Variants in MMP27 observed in about 807,000 individuals in gnomAD.
MMP27 encodes the protein matrix metalloproteinase-27.
Under a neutral mutation model 48.1 loss-of-function variants are expected in MMP27, and 51 were observed. That is an observed-to-expected ratio of 1.06 (90% CI 0.85 to 1.34). MMP27 has a LOEUF of 1.34. Among genes scored for constraint, MMP27 ranks in the 40% most tolerant of loss-of-function variants. MMP27 has a pLI of 0.00. For synonymous variants in MMP27, 229 were observed against 208.9 expected (o/e 1.10, Z -0.83); for missense variants, 698 against 619.3 (o/e 1.13, Z -1.35).
chr11:102,702,686 C>A (rs1052824242), intron 4 of MMP27, 67 bp downstream of exon 4: 3 of 1,510,410 alleles, frequency 2.0e-6, no homozygotes, highest in Middle Eastern at 1.9e-4. Context: ...CAGCTAGTTA[C>A]AAAGCTATTC....
rs116242667 is a variant in MMP27 at position 102,700,810 on chromosome 11, T to C, written c.619+1943A>G. Among the ~76,000 whole-genome samples the C allele has an allele frequency of 5.1e-3, 779 of 152,374 alleles. 5 individuals are homozygous for C. The highest frequency in any genetic ancestry group is 0.018 in the African/African-American group (738 of 41,584). On this transcript the variant is annotated intron_variant, in intron 4 of 9. Coordinates refer to ENST00000260229, the MANE Select transcript of MMP27 (RefSeq NM_022122.3). ...TTTGAGAGACTCTCAGGAAAATCTC[T>C]GTATGTGCTTAAAGTCCTCTGACAT... is the stretch of plus-strand genomic sequence containing the variant.
Position 102,704,629 on chromosome 11 carries a change from A to G in MMP27, c.249T>C (p.Leu83=), listed in dbSNP as rs749607991. Reference sequence around the variant, plus strand: ...CACACCTGGGTGTCTTCATGATCTCAAGGGTGTTTGAGTCCAGTTTTCCAG... The same window carrying G: ...CACACCTGGGTGTCTTCATGATCTCGAGGGTGTTTGAGTCCAGTTTTCCAG... ...TVTGKLDSNT[L]EIMKTPRCGV... Residue 83 remains leucine (L), a synonymous_variant, in exon 2 of 10, where the codon CTT becomes CTC. Transcript: ENST00000260229. 1.2e-6 allele frequency: 2 copies of G among 1,613,210 alleles called. No homozygotes were observed. The highest frequency in any genetic ancestry group is 1.7e-5 in the Admixed American group (1 of 60,018).
intron 5 of MMP27, 45 bp downstream of exon 5, chr11:102,696,629 C>A: frequency 6.4e-7 from 1 of 1,571,776 alleles, no homozygotes; most frequent in Non-Finnish European, 8.6e-7. Flanking sequence ...TTCTGAAAAG[C>A]TTCCTATTTA....
At chr11:102,696,232 T>C (rs1591657695) in intron 6 of MMP27, 139 bp downstream of exon 6, 1 of 768,588 alleles carries the variant, frequency 1.3e-6, no homozygotes, top group Non-Finnish European at 2.1e-6. Flanking sequence ...TGGTAAAGCA[T>C]TCAAACAGTA....
At position 102,691,882 on chromosome 11, in the gene MMP27, CA is replaced by C; in HGVS notation, c.1425del (p.Phe475LeufsTer13). On this transcript the variant is annotated frameshift_variant, in exon 10 of 10. Coordinates refer to ENST00000260229, the MANE Select transcript of MMP27 (RefSeq NM_022122.3). LOFTEE classifies it low-confidence loss of function (END_TRUNC). ...GAATGTGCTTTTTCCTTGTTGATAT[CA>C]AAACCAAATGAGGAGTTCTTTGGTT... is the stretch of plus-strand genomic sequence containing the variant. ...CKEPKNSSFGFDINKEKAHSG... is the reference protein window; with the variant it reads ...CKEPKNSSFGXDINKEKAHSG... The C allele has an allele frequency of 1.2e-6, 2 of 1,613,490 alleles. No individual in the cohort carries two copies. The highest frequency in any genetic ancestry group is 1.7e-6 in the Non-Finnish European group (2 of 1,179,710).
At chr11:102,696,877 A>G (rs780511098) in intron 4 of MMP27, 42 bp from the exon 5 acceptor site, 1 of 1,579,196 alleles carries the variant, frequency 6.3e-7, no homozygotes, top group South Asian at 1.2e-5. Flanking sequence ...GACTTAATCA[A>G]AAAGAGAATG....
At chr11:102,696,230 C>T (rs1565426342) in intron 6 of MMP27, 141 bp downstream of exon 6, 2 of 735,344 alleles carry the variant, frequency 2.7e-6, no homozygotes, top group Non-Finnish European at 4.3e-6. Flanking sequence ...TATGGTAAAG[C>T]ATTCAAACAG....
intron 4 of MMP27, among the ~76,000 whole-genome samples, chr11:102,697,859 A>G (rs1484144320): frequency 6.6e-6 from 1 of 152,142 alleles, no homozygotes; most frequent in African/African-American, 2.4e-5. Context: ...TTAAAACACA[A>G]ACTTGTTGTA....
At chr11:102,695,563 C>T (rs773950097) in intron 6 of MMP27, among the ~76,000 whole-genome samples, 60 of 152,156 alleles carry the variant, frequency 3.9e-4, no homozygotes, top group Non-Finnish European at 5.6e-4. Flanking sequence ...TCCTTATATT[C>T]CATTTCCCTC....
chr11:102,704,528 A>T lies in MMP27; in HGVS notation c.341+9T>A. On this transcript the variant is annotated intron_variant, in intron 2 of 9. Coordinates refer to ENST00000260229, the MANE Select transcript of MMP27 (RefSeq NM_022122.3). ...GGATTAGGCGGAAATAAGCTGGCAG[A>T]AGCATTACCTGTAGGTGAGGTTGTA... 1 of 1,585,850 alleles carries T rather than the reference A, an allele frequency of 6.3e-7. No homozygotes were observed. Among genetic ancestry groups the T allele is most frequent in the Admixed American group, 1.7e-5 (1 of 59,140 alleles).
intron 1 of MMP27, among the ~76,000 whole-genome samples, chr11:102,705,078 T>C (rs1241455046): frequency 6.6e-6 from 1 of 152,224 alleles, no homozygotes; most frequent in Admixed American, 6.5e-5. Flanking sequence ...CGTCTGTCTG[T>C]TGAATGATGA....
intron 5 of MMP27, 35 bp downstream of exon 5, chr11:102,696,639 A>T (rs763269500): frequency 1.3e-6 from 2 of 1,579,362 alleles, no homozygotes; most frequent in African/African-American, 2.7e-5. Context: ...CTTCCTATTT[A>T]GTTCACATAT....
Position 102,694,991 on chromosome 11 carries a change from T to C in MMP27, c.1009A>G (p.Arg337Gly), listed in dbSNP as rs1860796224. 5 of 1,613,956 alleles carry C rather than the reference T, an allele frequency of 3.1e-6. No individual in the cohort carries two copies. Among genetic ancestry groups the C allele is most frequent in the Non-Finnish European group, 4.2e-6 (5 of 1,179,926 alleles). The change falls in exon 7 of 10, where the codon AGA (arginine) becomes GGA (glycine). Residue 337 changes from arginine (R) to glycine (G), a missense_variant. Transcript: ENST00000260229. ...CCTTTAAAAACCAGAATCTTATCTCTGGGGTTCTCGTATGCAGCTTGCAGA... is the reference window on the plus strand; with the variant it reads ...CCTTTAAAAACCAGAATCTTATCTCCGGGGTTCTCGTATGCAGCTTGCAGA... ...ADLQAAYENP[R>G]DKILVFKDEN...
rs772828972 is a variant in MMP27 at position 102,696,706 on chromosome 11, T to C, written c.749A>G (p.Gln250Arg). The change falls in exon 5 of 10, where the codon CAG becomes CGG. Residue 250 changes from glutamine to arginine, a missense_variant. Coordinates refer to ENST00000260229, the MANE Select transcript of MMP27 (RefSeq NM_022122.3). ...GGACTGGATTCCATTGATATCATCC[T>C]GAGAAAGTGGGTATTTTCTGGGATC... ...SLDPRKYPLS[Q>R]DDINGIQSIY... 1 of 1,613,602 alleles carries C rather than the reference T, an allele frequency of 6.2e-7. No homozygotes were observed. Among genetic ancestry groups the C allele is most frequent in the Non-Finnish European group, 8.5e-7 (1 of 1,179,836 alleles).
intron 4 of MMP27, among the ~76,000 whole-genome samples, chr11:102,700,003 G>C (rs1209187815): frequency 1.3e-5 from 2 of 152,134 alleles, no homozygotes; most frequent in African/African-American, 2.4e-5. Flanking sequence ...CTTCTGTGAG[G>C]ACCTATTACA....
chr11:102,705,314 A>G (rs1490708220), intron 1 of MMP27, among the ~76,000 whole-genome samples: 3 of 152,242 alleles, frequency 2.0e-5, no homozygotes, highest in Non-Finnish European at 4.4e-5. Flanking sequence ...TTGTCTTGAA[A>G]TGCTTTTATA....
Position 102,693,026 on chromosome 11 carries a change from G to C in MMP27, c.1209C>G (p.Thr403=), listed in dbSNP as rs75721182. The change falls in exon 9 of 10, where the codon ACC becomes ACG. Residue 403 remains threonine, a synonymous_variant. Coordinates refer to ENST00000260229, the MANE Select transcript of MMP27 (RefSeq NM_022122.3). ...GIWCWRFDEM[T]QTMDKGFPQR... Reference sequence around the variant, plus strand: ...GCGGGAACCCTTTGTCCATGGTTTGGGTCATTTCATCAAACCTGCATACAA... The same window carrying C: ...GCGGGAACCCTTTGTCCATGGTTTGCGTCATTTCATCAAACCTGCATACAA... The C allele has an allele frequency of 4.4e-4, 716 of 1,613,150 alleles. 4 individuals carry two copies. In the African/African-American group the frequency reaches 8.8e-3, roughly 20 times the overall value.
intron 2 of MMP27, among the ~76,000 whole-genome samples, chr11:102,703,557 C>G (rs565889458): frequency 6.6e-6 from 1 of 151,936 alleles, no homozygotes; most frequent in Admixed American, 6.6e-5. Context: ...GAGTCTCGCT[C>G]TGTCCCCCAG....
intron 4 of MMP27, 101 bp downstream of exon 4, chr11:102,702,652 A>T (rs1860962565): frequency 1.5e-6 from 2 of 1,346,552 alleles, no homozygotes; most frequent in Non-Finnish European, 1.0e-6. Context: ...TTGTGGGGAC[A>T]TTGGGAACTT....
Sources: allele counts gnomAD v4.1 joint callset (sites outside exome capture counted in the v4.1 genomes callset), GRCh38; gene constraint gnomAD v4.1.1; transcripts MANE v1.5; gene names NCBI Gene and HGNC (gene_info 2026-07-23, HGNC 2026-07-21).